The following EDNRA variants were observed in gnomAD, a reference collection of about 807,000 sequenced individuals.
EDNRA encodes the protein endothelin-1 receptor.
A neutral mutation model predicts 41.4 loss-of-function variants in EDNRA; 11 were observed. The observed-to-expected ratio is 0.27, with a 90% confidence interval of 0.17 to 0.44. The LOEUF (loss-of-function observed/expected upper bound fraction) is 0.44. Ranked by LOEUF, EDNRA falls within the 20% of genes least tolerant of loss-of-function variation. EDNRA has a pLI of 1.00. For missense variants in EDNRA, 294 were observed against 531.0 expected (o/e 0.55, Z 4.39); for synonymous variants, 172 against 183.0 (o/e 0.94, Z 0.49).
chr4:147,541,168 C>T (rs1414763490), intron 7 of EDNRA, among the ~76,000 whole-genome samples: 1 of 149,924 alleles, frequency 6.7e-6, no homozygotes, highest in Non-Finnish European at 1.5e-5. Context: ...ATGCTTATTG[C>T]TGTGGGAATC....
chr4:147,485,636 A>G lies in EDNRA; in HGVS notation c.-46A>G. 6.6e-7 allele frequency: 1 copy of G among 1,522,346 alleles called. No homozygotes were observed. Among genetic ancestry groups the G allele is most frequent in the African/African-American group, 1.4e-5 (1 of 72,072 alleles). 94.3% of individuals were successfully genotyped at this position (1,522,346 alleles called of 1,614,324 possible). On this transcript the variant is annotated 5_prime_UTR_variant, in exon 2 of 8. Transcript: ENST00000651419. ...GGTGAAAAAAAAGTGAAGGTGTAAA[A>G]GCAGCACAAGTGCAATAAGAGATAT...
intron 6 of EDNRA, 129 bp from the exon 7 acceptor site, chr4:147,540,248 A>G (rs1237046815): frequency 1.2e-6 from 1 of 839,144 alleles, no homozygotes; most frequent in African/African-American, 1.7e-5. Flanking sequence ...ACTTTTTACA[A>G]AATTCTAACT....
intron 2 of EDNRA, among the ~76,000 whole-genome samples, chr4:147,502,113 T>C (rs140551696): frequency 6.6e-6 from 1 of 152,134 alleles, no homozygotes; most frequent in African/African-American, 2.4e-5. Flanking sequence ...TATAAAAAAA[T>C]GGTGAAAAAA....
intron 3 of EDNRA, among the ~76,000 whole-genome samples, 171 bp downstream of exon 3, chr4:147,520,149 G>T (rs1238309872): frequency 6.6e-6 from 1 of 152,154 alleles, no homozygotes; most frequent in Non-Finnish European, 1.5e-5. Flanking sequence ...CACATTTGCT[G>T]ATTATTAGCC....
intron 7 of EDNRA, among the ~76,000 whole-genome samples, chr4:147,540,862 A>T (rs1731075446): frequency 6.6e-6 from 1 of 152,078 alleles, no homozygotes; most frequent in Non-Finnish European, 1.5e-5. Context: ...TCTATTGTTA[A>T]GAAAGCGCTC....
At chr4:147,533,489 C>T (rs1271213439) in intron 4 of EDNRA, among the ~76,000 whole-genome samples, 1 of 152,198 alleles carries the variant, frequency 6.6e-6, no homozygotes, top group Admixed American at 6.5e-5. Context: ...ATGTAGCTCA[C>T]ATTCCACATG....
chr4:147,539,996 T>C (rs201340077), intron 6 of EDNRA, 46 bp downstream of exon 6: 85 of 1,548,386 alleles, frequency 5.5e-5, no homozygotes, highest in Non-Finnish European at 7.0e-5. Context: ...TCTCAGATTT[T>C]CATATTTATA....
chr4:147,516,843 C>T (rs1208347143), intron 2 of EDNRA, among the ~76,000 whole-genome samples: 2 of 152,070 alleles, frequency 1.3e-5, no homozygotes, highest in African/African-American at 2.4e-5. Context: ...TTATTCCTCT[C>T]CTAGTCTATT....
chr4:147,542,177 C>G (rs1731126566), intron 7 of EDNRA, among the ~76,000 whole-genome samples: 1 of 152,206 alleles, frequency 6.6e-6, no homozygotes, highest in Non-Finnish European at 1.5e-5. Context: ...CCAGCCCAGC[C>G]CTACCCGTGC....
chr4:147,497,149 C>CTTTT (rs11330586), intron 2 of EDNRA, among the ~76,000 whole-genome samples: 136 of 75,068 alleles, frequency 1.8e-3, no homozygotes, highest in Non-Finnish European at 2.2e-3. Flanking sequence ...TAGAATTCTT[C>CTTTT]TTTTTTTTTT....
intron 3 of EDNRA, 123 bp from the exon 4 acceptor site, chr4:147,532,383 T>G: frequency 1.6e-6 from 1 of 616,514 alleles, no homozygotes; most frequent in South Asian, 2.5e-5. Context: ...ACTCAGAAAA[T>G]TCCTAAAAAG....
intron 3 of EDNRA, among the ~76,000 whole-genome samples, chr4:147,529,344 G>A (rs1419665759): frequency 3.3e-5 from 5 of 152,042 alleles, no homozygotes; most frequent in Non-Finnish European, 7.4e-5. Flanking sequence ...CCAGGCTAGA[G>A]GTATAAATTT....
chr4:147,543,788 C>A lies in EDNRA; in HGVS notation c.*1170C>A, dbSNP rs1731193990. 1 of 152,038 alleles carries A rather than the reference C, an allele frequency of 6.6e-6. No homozygotes were observed. Among genetic ancestry groups the A allele is most frequent in the Non-Finnish European group, 1.5e-5 (1 of 67,978 alleles). The allele number at this position is 152,038 out of a possible 1,614,324, so 9.4% of individuals were successfully genotyped here. Reference sequence around the variant, plus strand: ...AAGTGGCCAGATGAGTTTATCATGTCAGTGAAAAATAATTACCCACAAATG... The same window carrying A: ...AAGTGGCCAGATGAGTTTATCATGTAAGTGAAAAATAATTACCCACAAATG... On this transcript the variant is annotated 3_prime_UTR_variant, in exon 8 of 8. Coordinates refer to ENST00000651419, the MANE Select transcript of EDNRA (RefSeq NM_001957.4).
intron 2 of EDNRA, chr4:147,489,197 G>A (rs370657234): frequency 2.0e-5 from 3 of 152,154 alleles, no homozygotes; most frequent in Non-Finnish European, 4.4e-5. Context: ...GGGTGCAAGT[G>A]TAGTTTTGTT....
At position 147,515,069 on chromosome 4, in the gene EDNRA, A is replaced by C. The variant is rs745325990; in HGVS notation, c.421-4782A>C. Among the ~76,000 whole-genome samples the C allele has an allele frequency of 5.3e-5, 8 of 152,334 alleles. No individual in the cohort carries two copies. In the South Asian group the frequency reaches 1.5e-3, roughly 28 times the overall value. On this transcript the variant is annotated intron_variant, in intron 2 of 7. Transcript: ENST00000651419. ...GCTAAGTCTTGGGAGCTGCTGCTCC[A>C]CAGCAACTATTCACAACCTTGGCTG...
At position 147,519,961 on chromosome 4, in the gene EDNRA, C is replaced by T. The variant is rs757560055; in HGVS notation, c.531C>T (p.Cys177=). Residue 177 remains cysteine (C), a synonymous_variant, in exon 3 of 8, where the codon TGC becomes TGT. Coordinates refer to ENST00000651419, the MANE Select transcript of EDNRA (RefSeq NM_001957.4). The surrounding 1 kb of genome is among the most constrained non-coding windows in gnomAD (Gnocchi z 4.1). ...SSVGITVLNL[C]ALSVDRYRAV... is the part of the protein sequence containing the mutation. ...TGGGGATCACCGTCCTCAACCTCTGCGCTCTTAGTGTTGACAGGTAATGTG... is the reference window on the plus strand; with the variant it reads ...TGGGGATCACCGTCCTCAACCTCTGTGCTCTTAGTGTTGACAGGTAATGTG... The T allele has an allele frequency of 8.7e-6, 14 of 1,611,892 alleles. No homozygotes were observed. Among genetic ancestry groups the T allele is most frequent in the Middle Eastern group, 3.3e-4 (2 of 6,058 alleles).
intron 1 of EDNRA, among the ~76,000 whole-genome samples, chr4:147,481,995 A>C (rs1728777420): frequency 1.3e-5 from 2 of 152,282 alleles, no homozygotes; most frequent in South Asian, 4.1e-4. Context: ...CTTCTAGATA[A>C]TCACCCTCTG....
chr4:147,499,526 C>T (rs551071714), intron 2 of EDNRA, among the ~76,000 whole-genome samples: 39 of 152,312 alleles, frequency 2.6e-4, no homozygotes, highest in African/African-American at 8.9e-4. Flanking sequence ...TAGTAAACAT[C>T]AGAACTTTGG....
intron 7 of EDNRA, among the ~76,000 whole-genome samples, chr4:147,541,836 T>C (rs959543911): frequency 1.3e-5 from 2 of 152,140 alleles, no homozygotes; most frequent in Non-Finnish European, 2.9e-5. Context: ...TTATATAAGG[T>C]GAAATTAATT....
Sources: allele counts gnomAD v4.1 joint callset (sites outside exome capture counted in the v4.1 genomes callset), GRCh38; gene constraint gnomAD v4.1.1; non-coding constraint Gnocchi (gnomAD v3.1); transcripts MANE v1.5; gene names NCBI Gene and HGNC (gene_info 2026-07-23, HGNC 2026-07-21).